The following EDA variants were observed in gnomAD, a reference collection of about 807,000 sequenced individuals.
The protein encoded by EDA is ectodysplasin-A.
A neutral mutation model predicts 23.6 loss-of-function variants in EDA; 2 were observed. The observed-to-expected ratio is 0.08, with a 90% CI of 0.03 to 0.27. EDA has a LOEUF of 0.27. Among genes scored for constraint, EDA ranks in the 10% least tolerant of loss-of-function variants. EDA has a pLI of 1.00. For synonymous variants in EDA, 131 were observed against 132.0 expected (o/e 0.99, Z 0.05); for missense variants, 229 against 324.2 (o/e 0.71, Z 2.26).
chrX:69,826,858 T>C (rs1204080643), intron 1 of EDA, among the ~76,000 whole-genome samples: 1 of 112,349 alleles, frequency 8.9e-6, no homozygotes, highest in Admixed American at 9.5e-5. Context: ...TTTCCATGTT[T>C]AGCACTTCCT....
chrX:69,766,253 G>A (rs1485138499), intron 1 of EDA, among the ~76,000 whole-genome samples: 1 of 110,843 alleles, frequency 9.0e-6, no homozygotes. Flanking sequence ...ATTTCCATTT[G>A]ATTTTTTTGT....
rs1203559448 is a variant in EDA, at chrX:70,037,759, C to G, written c.*2150C>G. The G allele has an allele frequency of 8.9e-6, 1 of 111,915 alleles. No individual in the cohort carries two copies. The highest frequency in any genetic ancestry group is 9.4e-5 in the Admixed American group (1 of 10,588). The allele number at this position is 111,915 out of a possible 1,213,427, so 9.2% of individuals were successfully genotyped here. A position where few individuals can be genotyped will look rare whatever the true frequency, so the allele number is the denominator to read the frequency against. On this transcript the variant is annotated 3_prime_UTR_variant, in exon 8 of 8. Coordinates refer to ENST00000374552, the MANE Select transcript of EDA (RefSeq NM_001399.5). Reference sequence around the variant, plus strand: ...GATTTCATTCCTCGATGGTAATACCCGTCCTCTCGGCTGCCAGGGGCTCTG... The same window carrying G: ...GATTTCATTCCTCGATGGTAATACCGGTCCTCTCGGCTGCCAGGGGCTCTG...
chrX:69,717,607 C>T lies in EDA; in HGVS notation c.396+100903C>T, dbSNP rs1334842345. The stretch of plus-strand genomic sequence containing the variant: ...CGATCTCAGCTCATTGCAAGCTCTG[C>T]CTCCCAGGTTCACACCATTCTCCTG... On this transcript the variant is annotated intron_variant, in intron 1 of 7. Coordinates refer to ENST00000374552, the MANE Select transcript of EDA (RefSeq NM_001399.5). Among the ~76,000 whole-genome samples the T allele has an allele frequency of 2.8e-5, 3 of 107,792 alleles. No homozygotes were observed. The East Asian group carries it at 8.8e-4, about 32-fold the overall frequency. 93.6% of individuals were successfully genotyped at this position (107,792 alleles called of 115,157 possible).
intron 1 of EDA, among the ~76,000 whole-genome samples, chrX:69,764,569 C>T (rs890484182): frequency 5.2e-4 from 57 of 110,679 alleles, no homozygotes; most frequent in African/African-American, 1.8e-3. Flanking sequence ...TGCCTTCTGT[C>T]CTTCTGTATA....
intron 1 of EDA, among the ~76,000 whole-genome samples, chrX:69,714,276 A>G (rs1219137546): frequency 9.1e-6 from 1 of 110,352 alleles, no homozygotes; most frequent in African/African-American, 3.3e-5. Flanking sequence ...GAGTTTTGAG[A>G]GTTCTTTATA....
chrX:69,835,525 G>A (rs1159382843), intron 1 of EDA, among the ~76,000 whole-genome samples: 2 of 111,869 alleles, frequency 1.8e-5, no homozygotes, highest in African/African-American at 6.5e-5. Context: ...GCTTGTGCAT[G>A]TGTCACGTAG....
At chrX:69,668,539 C>G (rs1208937704) in intron 1 of EDA, among the ~76,000 whole-genome samples, 1 of 111,528 alleles carries the variant, frequency 9.0e-6, no homozygotes, top group African/African-American at 3.3e-5. Flanking sequence ...TTGATCTACC[C>G]ATTGATCTAC....
At chrX:69,671,286 G>C (rs1933888624) in intron 1 of EDA, among the ~76,000 whole-genome samples, 1 of 111,398 alleles carries the variant, frequency 9.0e-6, no homozygotes, top group Non-Finnish European at 1.9e-5. Context: ...CAGCTTTAGG[G>C]ATCCTCCTGG....
intron 1 of EDA, among the ~76,000 whole-genome samples, chrX:69,641,699 A>G (rs1456861729): frequency 8.9e-6 from 1 of 111,761 alleles, no homozygotes; most frequent in Admixed American, 9.6e-5. Context: ...ATTGGTGCCA[A>G]CTTTATAGAA....
chrX:69,863,617 A>G lies in EDA; in HGVS notation c.397-93410A>G, dbSNP rs192009908. Among the ~76,000 whole-genome samples, 31 of 78,825 alleles carry G rather than the reference A, an allele frequency of 3.9e-4. No homozygotes were observed. The East Asian group carries it at 0.011, about 28-fold the overall frequency. 68.5% of individuals were successfully genotyped at this position (78,825 alleles called of 115,157 possible). ...TATATGTATATATATGTGTGTATAT[A>G]TGTGTGTATTTATGTGTGTGTGTAT... On this transcript the variant is annotated intron_variant, in intron 1 of 7. Coordinates refer to ENST00000374552, the MANE Select transcript of EDA (RefSeq NM_001399.5).
In EDA at chrX:69,793,570, G is replaced by GTTTT. The variant is rs67241807; in HGVS notation, c.397-163441_397-163438dup. ...GCTTTTTGTTTGTTTGTTTGTTTTT[G>GTTTT]TTTTTTTTTTTTTTTTTTTGCTCCC... On this transcript the variant is annotated intron_variant, in intron 1 of 7. Transcript: ENST00000374552. 1.1e-3 allele frequency among the ~76,000 whole-genome samples: 62 copies of GTTTT among 58,752 alleles called. 2 individuals are homozygous for GTTTT. The highest frequency in any genetic ancestry group is 2.2e-3 in the African/African-American group (30 of 13,639). The allele number at this position is 58,752 out of a possible 115,157, so 51.0% of individuals were successfully genotyped here. A position where few individuals can be genotyped will look rare whatever the true frequency, so the allele number is the denominator to read the frequency against.
chrX:69,791,096 G>C (rs939463718), intron 1 of EDA, among the ~76,000 whole-genome samples: 1 of 111,350 alleles, frequency 9.0e-6, no homozygotes, highest in Non-Finnish European at 1.9e-5. Flanking sequence ...AGATTAGTAT[G>C]ATGGAATGGA....
chrX:70,003,787 G>T (rs1014738151), intron 2 of EDA, among the ~76,000 whole-genome samples: 1 of 112,072 alleles, frequency 8.9e-6, no homozygotes, highest in African/African-American at 3.2e-5. Flanking sequence ...AAGGATATGA[G>T]AAATCTTCAA....
intron 1 of EDA, among the ~76,000 whole-genome samples, chrX:69,832,810 G>C (rs1306473419): frequency 9.0e-6 from 1 of 111,504 alleles, no homozygotes; most frequent in Non-Finnish European, 1.9e-5. Context: ...AATTGTGAAT[G>C]GGAATTCATT....
At chrX:69,847,724 C>CT (rs986954923) in intron 1 of EDA, among the ~76,000 whole-genome samples, 17 of 108,922 alleles carry the variant, frequency 1.6e-4, no homozygotes, top group African/African-American at 2.3e-4. Flanking sequence ...CAAGTTTCAG[C>CT]TTTTTTTTTC....
intron 1 of EDA, among the ~76,000 whole-genome samples, chrX:69,834,899 G>A (rs1430410141): frequency 9.0e-6 from 1 of 111,497 alleles, no homozygotes; most frequent in East Asian, 2.8e-4. Context: ...GCTCTTGTAA[G>A]GCAGGCCTGG....
At chrX:70,020,146 T>C (rs903238757) in intron 2 of EDA, among the ~76,000 whole-genome samples, 2 of 111,833 alleles carry the variant, frequency 1.8e-5, no homozygotes, top group Admixed American at 9.5e-5. Flanking sequence ...GCAGTAACCA[T>C]ATAGGAAAAG....
At position 69,864,945 on chromosome X, in the gene EDA, C is replaced by T. The variant is rs772968152; in HGVS notation, c.397-92082C>T. ...GGTGGAGGTTGCAGTGAGTCGAGATCGCCACTGCACTCCAGCCTGGGTGAC... is the reference window on the plus strand; with the variant it reads ...GGTGGAGGTTGCAGTGAGTCGAGATTGCCACTGCACTCCAGCCTGGGTGAC... On this transcript the variant is annotated intron_variant, in intron 1 of 7. Transcript: ENST00000374552. Among the ~76,000 whole-genome samples the T allele has an allele frequency of 3.6e-5, 4 of 111,020 alleles. No homozygotes were observed. The Admixed American group carries it at 3.8e-4, about 11-fold the overall frequency.
At chrX:69,652,143 C>T (rs1235314758) in intron 1 of EDA, among the ~76,000 whole-genome samples, 2 of 110,895 alleles carry the variant, frequency 1.8e-5, no homozygotes, top group East Asian at 2.8e-4. Context: ...AACCTGTCAC[C>T]GAGATTGTGT....
Sources: allele counts gnomAD v4.1 joint callset (sites outside exome capture counted in the v4.1 genomes callset), GRCh38; gene constraint gnomAD v4.1.1; transcripts MANE v1.5; gene names NCBI Gene and HGNC (gene_info 2026-07-23, HGNC 2026-07-21).